ADAM18: variants seen among roughly 807,000 people sequenced by gnomAD.
The protein encoded by ADAM18 is ADAM metallopeptidase domain 18.
In ADAM18, 117 loss-of-function variants were observed where a neutral mutation model predicts 94.4. That is an observed-to-expected ratio of 1.24 (90% CI 1.07 to 1.45). The LOEUF is 1.45. Among genes scored for constraint, ADAM18 ranks in the 40% most tolerant of loss-of-function variants. ADAM18 has a pLI of 0.00. For synonymous variants in ADAM18, 327 were observed against 291.6 expected (o/e 1.12, Z -1.24); for missense variants, 936 against 880.0 (o/e 1.06, Z -0.81).
chr8:39,687,186 G>T (rs1821630091), intron 16 of ADAM18, among the ~76,000 whole-genome samples: 1 of 152,042 alleles, frequency 6.6e-6, no homozygotes, highest in Admixed American at 6.5e-5. Context: ...CTTAGAATAC[G>T]ATAGAAAATA....
intron 17 of ADAM18, among the ~76,000 whole-genome samples, chr8:39,703,111 G>T (rs1193443148): frequency 6.6e-6 from 1 of 152,068 alleles, no homozygotes; most frequent in Non-Finnish European, 1.5e-5. Flanking sequence ...CTTCCTATCC[G>T]TGAGCATGGA....
At chr8:39,698,085 G>C (rs1821974646) in intron 17 of ADAM18, among the ~76,000 whole-genome samples, 1 of 151,618 alleles carries the variant, frequency 6.6e-6, no homozygotes, top group Admixed American at 6.6e-5. Context: ...GTTTTGTACT[G>C]TGTTCCAAAT....
chr8:39,661,564 G>T (rs904555958), intron 12 of ADAM18, among the ~76,000 whole-genome samples: 1 of 151,682 alleles, frequency 6.6e-6, no homozygotes, highest in Non-Finnish European at 1.5e-5. Flanking sequence ...TAATATTCTT[G>T]TTCCTTTAGG....
chr8:39,667,128 G>A (rs28682871), intron 13 of ADAM18, among the ~76,000 whole-genome samples: 18,742 of 151,924 alleles, frequency 0.12, 1,602 homozygotes, highest in African/African-American at 0.24. Context: ...AAGACTTGGC[G>A]CGGTGGCTCA....
chr8:39,605,644 T>C (rs1313322448), intron 2 of ADAM18: 1 of 184,540 alleles, frequency 5.4e-6, no homozygotes, highest in Non-Finnish European at 1.2e-5. Context: ...GTTAATATAG[T>C]GTTAATAATG....
chr8:39,621,374 G>A (rs1294692762), intron 6 of ADAM18, among the ~76,000 whole-genome samples: 1 of 148,038 alleles, frequency 6.8e-6, no homozygotes, highest in Non-Finnish European at 1.5e-5. Flanking sequence ...CCATGTCAAT[G>A]TCCTGGTTTT....
intron 6 of ADAM18, among the ~76,000 whole-genome samples, chr8:39,613,561 A>C (rs991513434): frequency 1.3e-5 from 2 of 152,190 alleles, no homozygotes; most frequent in Non-Finnish European, 2.9e-5. Context: ...GCAACTCAGA[A>C]GCCAGAGTGT....
In ADAM18 at chr8:39,706,805, G is replaced by A. The variant is rs1822254261; in HGVS notation, c.1918G>A (p.Gly640Ser). ...TCTGTTTCAGATATGTAATAATTTT[G>A]GTAATTGTCAATGCTTCCCTGGACA... ...CKGKGICNNF[G>S]NCQCFPGHRP... The change falls in exon 18 of 20, where the codon GGT becomes AGT. Residue 640 changes from glycine (G) to serine (S), a missense_variant. Physicochemically the swap from Gly to Ser is moderately conservative, Grantham distance 56 (BLOSUM62 0). Transcript: ENST00000265707. 1.3e-6 allele frequency: 2 copies of A among 1,598,800 alleles called. No homozygotes were observed. Among genetic ancestry groups the A allele is most frequent in the Non-Finnish European group, 1.7e-6 (2 of 1,168,038 alleles).
intron 11 of ADAM18, among the ~76,000 whole-genome samples, chr8:39,647,088 G>C (rs980025200): frequency 1.3e-5 from 2 of 152,002 alleles, no homozygotes; most frequent in Non-Finnish European, 2.9e-5. Flanking sequence ...GAAAAACAGT[G>C]GGCCCAGGAG....
chr8:39,729,311 C>T (rs189082440), intron 19 of ADAM18, among the ~76,000 whole-genome samples: 51 of 152,066 alleles, frequency 3.4e-4, no homozygotes, highest in African/African-American at 1.2e-3. Context: ...GAACTGTACA[C>T]TAAAAATGGT....
intron 8 of ADAM18, 60 bp from the exon 9 acceptor site, chr8:39,637,477 T>C (rs1563285607): frequency 6.9e-7 from 1 of 1,451,960 alleles, no homozygotes; most frequent in Non-Finnish European, 9.3e-7. Flanking sequence ...TATTTTTTAA[T>C]GTACCTTTTA....
At chr8:39,682,241 A>G (rs76308351) in intron 16 of ADAM18, among the ~76,000 whole-genome samples, 72 of 152,338 alleles carry the variant, frequency 4.7e-4, no homozygotes, top group African/African-American at 1.3e-3. Context: ...TCTTTCAGCC[A>G]TCTCAGCAGA....
chr8:39,607,363 C>T (rs914631439), intron 3 of ADAM18, among the ~76,000 whole-genome samples: 1 of 152,196 alleles, frequency 6.6e-6, no homozygotes, highest in Non-Finnish European at 1.5e-5. Context: ...CTGTCTGCAT[C>T]TTCAAACATA....
chr8:39,608,191 A>G (rs939107892), intron 3 of ADAM18, among the ~76,000 whole-genome samples: 8 of 152,022 alleles, frequency 5.3e-5, no homozygotes, highest in African/African-American at 1.4e-4. Flanking sequence ...ATCTATATCT[A>G]TATCTAAACC....
chr8:39,605,698 AT>A, intron 2 of ADAM18: 2 of 229,892 alleles, frequency 8.7e-6, no homozygotes, highest in Non-Finnish European at 1.8e-5. Context: ...TGTACTTTTC[AT>A]TTTTATTTTA....
At chr8:39,728,449 A>T (rs1822982204) in intron 19 of ADAM18, among the ~76,000 whole-genome samples, 1 of 152,188 alleles carries the variant, frequency 6.6e-6, no homozygotes, top group Non-Finnish European at 1.5e-5. Flanking sequence ...AATGTGTTCA[A>T]GTCATAGAGA....
intron 12 of ADAM18, among the ~76,000 whole-genome samples, chr8:39,660,703 A>G (rs1820811488): frequency 1.3e-5 from 2 of 152,258 alleles, no homozygotes; most frequent in Admixed American, 6.5e-5. Flanking sequence ...AAAATTAACA[A>G]GAAAGTACTG....
At position 39,613,775 on chromosome 8, in the gene ADAM18, A is replaced by G. The variant is rs981596186; in HGVS notation, c.522+3069A>G. On this transcript the variant is annotated intron_variant, in intron 6 of 19. Coordinates refer to ENST00000265707, the MANE Select transcript of ADAM18 (RefSeq NM_014237.3). The stretch of plus-strand genomic sequence containing the variant: ...TGAAAGAGGATATAGCCATTTAAAG[A>G]AAGAATCAAACTGCTATAATAAAGC... Among the ~76,000 whole-genome samples the G allele has an allele frequency of 2.6e-5, 4 of 152,240 alleles. No homozygotes were observed. In the East Asian group the frequency reaches 7.7e-4, roughly 29 times the overall value.
At chr8:39,591,024 C>G (rs1818556198) in intron 2 of ADAM18, among the ~76,000 whole-genome samples, 1 of 152,172 alleles carries the variant, frequency 6.6e-6, no homozygotes, top group African/African-American at 2.4e-5. Context: ...ATACTATATA[C>G]TATAGTTTAT....
Sources: allele counts gnomAD v4.1 joint callset (sites outside exome capture counted in the v4.1 genomes callset), GRCh38; gene constraint gnomAD v4.1.1; transcripts MANE v1.5; gene names NCBI Gene and HGNC (gene_info 2026-07-23, HGNC 2026-07-21).